Variants in PTPRT observed in about 807,000 individuals in gnomAD.
PTPRT encodes protein tyrosine phosphatase receptor type T.
A neutral mutation model predicts 176.8 loss-of-function variants in PTPRT; 56 were observed. That is an observed-to-expected ratio of 0.32 (90% CI 0.26 to 0.40). PTPRT has a LOEUF of 0.40. Among genes scored for constraint, PTPRT ranks in the 10% least tolerant of loss-of-function variants. The probability of loss-of-function intolerance (pLI) is 1.00; values close to 1 mark genes in which losing one functional copy is unlikely to be tolerated. For synonymous variants in PTPRT, 783 were observed against 739.0 expected (o/e 1.06, Z -0.96); for missense variants, 1,540 against 1,908.2 (o/e 0.81, Z 3.60).
intron 7 of PTPRT, among the ~76,000 whole-genome samples, chr20:42,553,202 A>G (rs879666163): frequency 6.6e-6 from 1 of 152,198 alleles, no homozygotes; most frequent in Non-Finnish European, 1.5e-5. Context: ...GCTAGCTCAA[A>G]CAAAATCTCT....
At chr20:42,617,251 G>C (rs1362685609) in intron 7 of PTPRT, among the ~76,000 whole-genome samples, 1 of 135,968 alleles carries the variant, frequency 7.4e-6, no homozygotes, top group Non-Finnish European at 1.5e-5. Context: ...TTATTGATTT[G>C]CGTATATTGA....
At chr20:42,333,719 C>T (rs982595248) in intron 11 of PTPRT, among the ~76,000 whole-genome samples, 17 of 152,112 alleles carry the variant, frequency 1.1e-4, no homozygotes, top group African/African-American at 4.1e-4. Flanking sequence ...CGCTTTGTCA[C>T]CCAGGCTACA....
intron 15 of PTPRT, among the ~76,000 whole-genome samples, chr20:42,208,405 G>A (rs1407047091): frequency 4.0e-5 from 6 of 151,736 alleles, no homozygotes; most frequent in African/African-American, 7.3e-5. Context: ...CCCATCTCAC[G>A]TGCAGAGACA....
intron 9 of PTPRT, among the ~76,000 whole-genome samples, chr20:42,431,952 A>G (rs1382365067): frequency 6.6e-6 from 1 of 152,248 alleles, no homozygotes; most frequent in Non-Finnish European, 1.5e-5. Context: ...AACAGCAGAT[A>G]GAACATTTAT....
chr20:42,098,256 T>C (rs1364219198), intron 27 of PTPRT, among the ~76,000 whole-genome samples, 165 bp downstream of exon 27: 1 of 152,100 alleles, frequency 6.6e-6, no homozygotes, highest in African/African-American at 2.4e-5. Flanking sequence ...CAGGACCCTC[T>C]GTAGGTAGCA....
intron 2 of PTPRT, among the ~76,000 whole-genome samples, chr20:42,796,991 A>G (rs1228043379): frequency 2.6e-5 from 4 of 152,228 alleles, no homozygotes; most frequent in South Asian, 2.1e-4. Flanking sequence ...TACTATTTAT[A>G]AAGTGCGTAG....
intron 2 of PTPRT, among the ~76,000 whole-genome samples, chr20:42,799,705 C>T (rs1049651399): frequency 9.9e-5 from 15 of 152,228 alleles, no homozygotes; most frequent in Admixed American, 7.2e-4. Context: ...TAATGCTACT[C>T]TCCCTTCAGA....
chr20:42,308,708 G>A, intron 12 of PTPRT, among the ~76,000 whole-genome samples: 1 of 152,140 alleles, frequency 6.6e-6, no homozygotes, highest in Non-Finnish European at 1.5e-5. Context: ...ACATAGCTGA[G>A]AGCAGCCAAA....
At chr20:42,809,594 C>A (rs1485603448) in intron 2 of PTPRT, among the ~76,000 whole-genome samples, 3 of 152,156 alleles carry the variant, frequency 2.0e-5, no homozygotes, top group Non-Finnish European at 4.4e-5. Flanking sequence ...AGTCTGAAAT[C>A]AAGGTGGGTC....
intron 6 of PTPRT, chr20:42,685,556 T>C (rs529982288): frequency 6.6e-6 from 1 of 152,250 alleles, no homozygotes; most frequent in Admixed American, 6.5e-5. Flanking sequence ...TTATGAACGG[T>C]TAACTTTAGC....
chr20:42,313,385 C>G lies in PTPRT; in HGVS notation c.2139+2338G>C, dbSNP rs181152204. Among the ~76,000 whole-genome samples, 85 of 152,166 alleles carry G rather than the reference C, an allele frequency of 5.6e-4. 1 individual carries two copies. In the Middle Eastern group the frequency reaches 0.01, roughly 18 times the overall value. ...GACTTACCCTGAATTCTTTCTCACACGAGATCCAAGAACCCTCTCTTGGAG... is the reference window on the plus strand; with the variant it reads ...GACTTACCCTGAATTCTTTCTCACAGGAGATCCAAGAACCCTCTCTTGGAG... On this transcript the variant is annotated intron_variant, in intron 12 of 30. Transcript: ENST00000373187.
At position 42,073,379 on chromosome 20, in the gene PTPRT, G is replaced by T; in HGVS notation, c.*7500C>A. 1 of 191,864 alleles carries T rather than the reference G, an allele frequency of 5.2e-6. No individual in the cohort carries two copies. 11.9% of individuals were successfully genotyped at this position (191,864 alleles called of 1,614,324 possible). A position where few individuals can be genotyped will look rare whatever the true frequency, so the allele number is the denominator to read the frequency against. ...CACCTGGTGATGAAATGTGTGCACT[G>T]GAAATGATTATAATCATGTGTAAAT... On this transcript the variant is annotated 3_prime_UTR_variant, in exon 31 of 31. Coordinates refer to ENST00000373187, the MANE Select transcript of PTPRT (RefSeq NM_007050.6).
intron 1 of PTPRT, among the ~76,000 whole-genome samples, chr20:42,968,184 A>G (rs1982409797): frequency 6.6e-6 from 1 of 151,920 alleles, no homozygotes; most frequent in South Asian, 2.1e-4. Context: ...CTCCACCTCT[A>G]CTGCCACACT....
chr20:42,697,660 ACTT>A (rs1279430890), intron 6 of PTPRT, among the ~76,000 whole-genome samples: 1 of 152,202 alleles, frequency 6.6e-6, no homozygotes, highest in Non-Finnish European at 1.5e-5. Flanking sequence ...CCTAAAATCT[ACTT>A]CTTTATTTCA....
chr20:42,200,083 G>C (rs1353584791), intron 15 of PTPRT, among the ~76,000 whole-genome samples: 2 of 116,204 alleles, frequency 1.7e-5, no homozygotes, highest in Admixed American at 8.7e-5. Flanking sequence ...CACACACACA[G>C]AGGCTCAGGA....
chr20:42,677,841 A>C, intron 7 of PTPRT, 25 bp downstream of exon 7: 1 of 1,482,012 alleles, frequency 6.7e-7, no homozygotes, highest in Non-Finnish European at 8.9e-7. Context: ...CTCATAATGG[A>C]GCCTGGGAAA....
chr20:42,703,446 G>A (rs993450372), intron 6 of PTPRT, among the ~76,000 whole-genome samples: 1 of 152,180 alleles, frequency 6.6e-6, no homozygotes, highest in East Asian at 1.9e-4. Flanking sequence ...AAAGAGCATT[G>A]TTACCAGGAG....
chr20:43,180,623 C>T (rs2146480696), intron 1 of PTPRT, among the ~76,000 whole-genome samples: 1 of 152,144 alleles, frequency 6.6e-6, no homozygotes, highest in Non-Finnish European at 1.5e-5. Context: ...ACCATCATGC[C>T]CAGCTAATTC....
intron 2 of PTPRT, among the ~76,000 whole-genome samples, chr20:42,883,799 ACAACCCT>A (rs2079054741): frequency 1.9e-4 from 4 of 21,300 alleles, no homozygotes; most frequent in South Asian, 1.6e-3. Flanking sequence ...CCATACACAC[ACAACCCT>A]TACACCCCCA....
Sources: allele counts gnomAD v4.1 joint callset (sites outside exome capture counted in the v4.1 genomes callset), GRCh38; gene constraint gnomAD v4.1.1; transcripts MANE v1.5; gene names NCBI Gene and HGNC (gene_info 2026-07-23, HGNC 2026-07-21).